The following ACSL4 variants were observed in gnomAD, a reference collection of about 807,000 sequenced individuals.
ACSL4 encodes acyl-CoA synthetase long chain family member 4.
A neutral mutation model predicts 49.1 loss-of-function variants in ACSL4; 9 were observed. The ratio of observed to expected loss-of-function variants is 0.18; its 90% CI spans 0.11 to 0.32. The LOEUF (loss-of-function observed/expected upper bound fraction) is 0.32. Among genes scored for constraint, ACSL4 ranks in the 10% least tolerant of loss-of-function variants. The pLI is 1.00. For missense variants in ACSL4, 333 were observed against 493.7 expected (o/e 0.67, Z 3.08); for synonymous variants, 191 against 170.3 (o/e 1.12, Z -0.95).
intron 1 of ACSL4, among the ~76,000 whole-genome samples, chrX:109,720,477 A>G (rs1161217689): frequency 1.8e-5 from 2 of 111,974 alleles, no homozygotes; most frequent in East Asian, 2.8e-4. Flanking sequence ...AAAAACTAAA[A>G]TCTTAGTAAA....
chrX:109,653,402 C>T (rs1285034665), intron 15 of ACSL4, among the ~76,000 whole-genome samples: 1 of 111,621 alleles, frequency 9.0e-6, no homozygotes, highest in Admixed American at 9.5e-5. Flanking sequence ...TGTGGCGATT[C>T]CTCAGGGATC....
chrX:109,667,012 G>C (rs1180693957), intron 11 of ACSL4, among the ~76,000 whole-genome samples: 1 of 111,743 alleles, frequency 8.9e-6, no homozygotes, highest in Admixed American at 9.5e-5. Context: ...ATGAAGGAAT[G>C]ATCTGATGAC....
At chrX:109,665,650 G>A (rs1569421887) in intron 11 of ACSL4, among the ~76,000 whole-genome samples, 156 bp from the exon 12 acceptor site, 1 of 111,844 alleles carries the variant, frequency 8.9e-6, no homozygotes, top group East Asian at 2.8e-4. Context: ...CACTTCAATA[G>A]TGCAATGGAT....
chrX:109,647,088 C>T (rs1490304657), intron 15 of ACSL4, among the ~76,000 whole-genome samples: 9 of 110,802 alleles, frequency 8.1e-5, no homozygotes, highest in Non-Finnish European at 1.5e-4. Flanking sequence ...ACTTTAACAC[C>T]CCACTGTCAA....
At chrX:109,707,780 C>T (rs146789874) in intron 1 of ACSL4, among the ~76,000 whole-genome samples, 4 of 111,544 alleles carry the variant, frequency 3.6e-5, no homozygotes, top group South Asian at 3.7e-4. Flanking sequence ...AAATACTATG[C>T]GGCCATCAAA....
Position 109,715,633 on chromosome X carries a change from TTA to T in ACSL4, c.-66+17504_-66+17505del, listed in dbSNP as rs757245664. ...CCGACTGCATCTCAAAAAAATAAAA[TTA>T]TATATATATATAGAGAGAGATCAAA... On this transcript the variant is annotated intron_variant, in intron 1 of 15. Transcript: ENST00000672401. 1.5e-3 allele frequency among the ~76,000 whole-genome samples: 164 copies of T among 108,791 alleles called. 1 individual carries two copies. Among genetic ancestry groups the T allele is most frequent in the Non-Finnish European group, 2.1e-3 (111 of 52,256 alleles). The allele number at this position is 108,791 out of a possible 115,157, so 94.5% of individuals were successfully genotyped here.
chrX:109,729,613 CTG>C (rs1440562298), intron 1 of ACSL4, among the ~76,000 whole-genome samples: 1 of 111,672 alleles, frequency 9.0e-6, no homozygotes, highest in Non-Finnish European at 1.9e-5. Context: ...ACACAAAATC[CTG>C]TGGACAACTG....
chrX:109,693,335 A>G (rs898557509), intron 2 of ACSL4, among the ~76,000 whole-genome samples: 8 of 112,233 alleles, frequency 7.1e-5, no homozygotes, highest in African/African-American at 2.3e-4. Flanking sequence ...AATAACTCAA[A>G]GACTGATAAA....
chrX:109,669,394 A>AT lies in ACSL4; in HGVS notation c.1003-222dup, dbSNP rs34210031. Reference sequence around the variant, plus strand: ...AGTTCTATACATTAAGTTAATCTAAATTTTTTTTTTTTTTTTTGAGACGGA... The same window carrying AT: ...AGTTCTATACATTAAGTTAATCTAAATTTTTTTTTTTTTTTTTTGAGACGGA... On this transcript the variant is annotated intron_variant, in intron 9 of 15. Coordinates refer to ENST00000672401, the MANE Select transcript of ACSL4 (RefSeq NM_001318510.2). Among the ~76,000 whole-genome samples the AT allele has an allele frequency of 4.4e-3, 397 of 90,510 alleles. 2 individuals are homozygous for AT. The highest frequency in any genetic ancestry group is 0.024 in the South Asian group (46 of 1,931). The allele number at this position is 90,510 out of a possible 115,157, so 78.6% of individuals were successfully genotyped here.
chrX:109,729,088 G>A (rs915587260), intron 1 of ACSL4, among the ~76,000 whole-genome samples: 4 of 109,480 alleles, frequency 3.7e-5, no homozygotes, highest in Admixed American at 9.7e-5. Flanking sequence ...GTGTGGTGGC[G>A]GGTGCCTGTA....
At chrX:109,649,266 C>T (rs1934900087) in intron 15 of ACSL4, among the ~76,000 whole-genome samples, 1 of 111,764 alleles carries the variant, frequency 8.9e-6, no homozygotes, top group Non-Finnish European at 1.9e-5. Flanking sequence ...CGCTACCTGA[C>T]TTCAAACTAT....
intron 1 of ACSL4, among the ~76,000 whole-genome samples, chrX:109,699,910 A>C (rs887578814): frequency 1.3e-4 from 14 of 111,611 alleles, no homozygotes; most frequent in Admixed American, 3.8e-4. Flanking sequence ...CTGTGGGAGA[A>C]TCTTTTCCCC....
At chrX:109,697,290 G>A (rs1309743285) in intron 1 of ACSL4, among the ~76,000 whole-genome samples, 1 of 111,759 alleles carries the variant, frequency 8.9e-6, no homozygotes, top group Non-Finnish European at 1.9e-5. Flanking sequence ...ATTCCATCCA[G>A]CAGTATTCAC....
intron 9 of ACSL4, among the ~76,000 whole-genome samples, chrX:109,670,160 G>A (rs909312992): frequency 3.6e-5 from 4 of 112,221 alleles, no homozygotes; most frequent in African/African-American, 1.3e-4. Flanking sequence ...TTATAAATAC[G>A]TGTTTCCAAA....
intron 15 of ACSL4, among the ~76,000 whole-genome samples, chrX:109,646,281 G>T (rs1031143090): frequency 9.0e-6 from 1 of 111,518 alleles, no homozygotes; most frequent in African/African-American, 3.3e-5. Flanking sequence ...GAAAGGTTGG[G>T]GTACCCTCAA....
At chrX:109,725,246 T>C (rs1268216928) in intron 1 of ACSL4, among the ~76,000 whole-genome samples, 1 of 80,409 alleles carries the variant, frequency 1.2e-5, no homozygotes, top group Non-Finnish European at 2.7e-5. Flanking sequence ...CACACCCAGC[T>C]ATTTTTTTTT....
At chrX:109,719,098 A>G (rs1927351086) in intron 1 of ACSL4, among the ~76,000 whole-genome samples, 1 of 111,873 alleles carries the variant, frequency 8.9e-6, no homozygotes, top group African/African-American at 3.2e-5. Context: ...AACAAAATAA[A>G]CAAACAAAAA....
intron 1 of ACSL4, among the ~76,000 whole-genome samples, chrX:109,703,319 G>C (rs1346081118): frequency 9.0e-6 from 1 of 111,275 alleles, no homozygotes; most frequent in Non-Finnish European, 1.9e-5. Context: ...AAAAACATTA[G>C]ATTAACCCAG....
chrX:109,674,181 AT>A (rs1923492011), intron 9 of ACSL4, among the ~76,000 whole-genome samples: 1 of 112,116 alleles, frequency 8.9e-6, no homozygotes, highest in Non-Finnish European at 1.9e-5. Flanking sequence ...ATTTTCATGT[AT>A]CAGCAAACTC....
Sources: allele counts gnomAD v4.1 joint callset (sites outside exome capture counted in the v4.1 genomes callset), GRCh38; gene constraint gnomAD v4.1.1; transcripts MANE v1.5; gene names NCBI Gene and HGNC (gene_info 2026-07-23, HGNC 2026-07-21).